The following RFC1 variants were observed in gnomAD, a reference collection of about 807,000 sequenced individuals.
The protein encoded by RFC1 is replication factor C subunit 1, also known as A1 140 kDa subunit.
Under a neutral mutation model 137.4 loss-of-function variants are expected in RFC1, and 37 were observed. The observed-to-expected ratio is 0.27, with a 90% confidence interval of 0.21 to 0.35. RFC1 has a LOEUF of 0.35. Ranked by LOEUF, RFC1 falls within the 10% of genes least tolerant of loss-of-function variation. The pLI is 1.00. For synonymous variants in RFC1, 429 were observed against 455.7 expected (o/e 0.94, Z 0.75); for missense variants, 1,205 against 1,358.5 (o/e 0.89, Z 1.78).
chr4:39,344,766 C>G (rs929592424), intron 3 of RFC1, among the ~76,000 whole-genome samples: 2 of 152,094 alleles, frequency 1.3e-5, no homozygotes, highest in Non-Finnish European at 2.9e-5. Flanking sequence ...ACCTGGGCAA[C>G]AGGGCAAGAC....
At chr4:39,363,680 G>C (rs1255987811) in intron 1 of RFC1, among the ~76,000 whole-genome samples, 1 of 151,420 alleles carries the variant, frequency 6.6e-6, no homozygotes, top group Non-Finnish European at 1.5e-5. Context: ...TTGAGGCCAG[G>C]AGTTCAAGAC....
intron 15 of RFC1, 181 bp from the exon 16 acceptor site, chr4:39,303,332 A>G: frequency 1.7e-6 from 1 of 580,574 alleles, no homozygotes; most frequent in East Asian, 2.8e-5. Flanking sequence ...AGAGAAGAGA[A>G]ACTCTCCCTG....
At chr4:39,301,175 C>G (rs7664366) in intron 19 of RFC1, among the ~76,000 whole-genome samples, 135,663 of 151,986 alleles carry the variant, frequency 0.89, 62,550 homozygotes, top group East Asian at 1. Flanking sequence ...AAAAAGCCAA[C>G]TGGAAAAGTC....
intron 21 of RFC1, among the ~76,000 whole-genome samples, chr4:39,296,159 G>A (rs373095494): frequency 5.3e-5 from 8 of 151,946 alleles, no homozygotes; most frequent in Non-Finnish European, 1.0e-4. Context: ...TAATGATTAC[G>A]GTCAATTAAA....
In RFC1 at chr4:39,303,042, A is replaced by T; in HGVS notation, c.2202+18T>A. 2.5e-6 allele frequency: 4 copies of T among 1,587,642 alleles called. No individual in the cohort carries two copies. The highest frequency in any genetic ancestry group is 2.6e-6 in the Non-Finnish European group (3 of 1,155,864). Reference sequence around the variant, plus strand: ...AATTATCAACAGTGAAACTGCAAAAATACAGCACTTGAATTACCTGAATTC... The same window carrying T: ...AATTATCAACAGTGAAACTGCAAAATTACAGCACTTGAATTACCTGAATTC... On this transcript the variant is annotated intron_variant, in intron 16 of 24. Coordinates refer to ENST00000349703, the MANE Select transcript of RFC1 (RefSeq NM_002913.5).
chr4:39,361,321 G>A (rs1905361), intron 1 of RFC1, among the ~76,000 whole-genome samples: 27,439 of 152,028 alleles, frequency 0.18, 2,471 homozygotes, highest in East Asian at 0.24. Context: ...CTTGGGAGGC[G>A]GAGGTTGCAG....
intron 22 of RFC1, among the ~76,000 whole-genome samples, chr4:39,294,018 T>G (rs1444615467): frequency 6.6e-6 from 1 of 152,154 alleles, no homozygotes; most frequent in South Asian, 2.1e-4. Context: ...ACTGACTCCC[T>G]TTATGAAGAC....
At chr4:39,355,264 TAA>T (rs920133748) in intron 1 of RFC1, among the ~76,000 whole-genome samples, 1 of 137,508 alleles carries the variant, frequency 7.3e-6, no homozygotes. Flanking sequence ...TCTCTACAAA[TAA>T]AAAAAAAAAA....
chr4:39,318,156 C>CAAA (rs5857672), intron 9 of RFC1: 1 of 148,904 alleles, frequency 6.7e-6, no homozygotes, highest in Admixed American at 6.7e-5. Context: ...GACTCCGTCT[C>CAAA]AAAAAAAAAA....
chr4:39,300,026 C>G lies in RFC1; in HGVS notation c.2803G>C (p.Ala935Pro), dbSNP rs1025907552. The change falls in exon 21 of 25, where the codon GCG (alanine) becomes CCG (proline). Residue 935 changes from alanine to proline, a missense_variant. This residue lies in a region of RFC1 where 237 missense variants were observed against 304.2 expected (regional missense o/e 0.78). Coordinates refer to ENST00000349703, the MANE Select transcript of RFC1 (RefSeq NM_002913.5). ...RSKQNWSLLP[A>P]QAIYASVLPG... ...AGGGAGAGCCCTCTGCTCACCTGCGCAGGCAGAAGACTCCAGTTTTGCTTA... is the reference window on the plus strand; with the variant it reads ...AGGGAGAGCCCTCTGCTCACCTGCGGAGGCAGAAGACTCCAGTTTTGCTTA... 6.2e-7 allele frequency: 1 copy of G among 1,605,796 alleles called. No individual in the cohort carries two copies. The highest frequency in any genetic ancestry group is 8.5e-7 in the Non-Finnish European group (1 of 1,172,330).
chr4:39,306,521 T>C, intron 14 of RFC1, 71 bp downstream of exon 14: 1 of 786,088 alleles, frequency 1.3e-6, no homozygotes, highest in Non-Finnish European at 2.3e-6. Flanking sequence ...CAGATGTGGG[T>C]ACACACTTTT....
At chr4:39,298,301 T>G (rs1435974567) in intron 21 of RFC1, among the ~76,000 whole-genome samples, 1 of 93,486 alleles carries the variant, frequency 1.1e-5, no homozygotes, top group African/African-American at 4.4e-5. Context: ...GAGTGAGACC[T>G]TGTCTCAAAA....
intron 1 of RFC1, among the ~76,000 whole-genome samples, chr4:39,358,853 C>T (rs947926343): frequency 6.6e-6 from 1 of 152,218 alleles, no homozygotes; most frequent in African/African-American, 2.4e-5. Flanking sequence ...TGCGAACTAA[C>T]TCACACCTAC....
intron 9 of RFC1, 39 bp from the exon 10 acceptor site, chr4:39,317,061 A>T (rs771224973): frequency 7.8e-7 from 1 of 1,285,402 alleles, no homozygotes; most frequent in Non-Finnish European, 1.1e-6. Flanking sequence ...AAAGTCATAC[A>T]GAATTCATGC....
At chr4:39,298,193 A>C (rs1291263516) in intron 21 of RFC1, among the ~76,000 whole-genome samples, 1 of 151,648 alleles carries the variant, frequency 6.6e-6, no homozygotes, top group Non-Finnish European at 1.5e-5. Context: ...CTATGGTCCC[A>C]GCTACTTGCA....
Position 39,303,078 on chromosome 4 carries a change from C to T in RFC1, c.2184G>A (p.Glu728=), listed in dbSNP as rs17335299. 8,103 of 1,613,048 alleles carry T rather than the reference C, an allele frequency of 5.0e-3. 33 individuals are homozygous for T. Among genetic ancestry groups the T allele is most frequent in the Non-Finnish European group, 6.2e-3 (7,333 of 1,179,082 alleles). The change falls in exon 16 of 25, where the codon GAG becomes GAA. Residue 728 remains glutamate (E), a synonymous_variant. Transcript: ENST00000349703. ...MDEVDGMAGN[E]DRGGIQELIG... Reference sequence around the variant, plus strand: ...GAATTACCTGAATTCCTCCCCTATCCTCATTGCCTGCCATGCCATCTACTT... The same window carrying T: ...GAATTACCTGAATTCCTCCCCTATCTTCATTGCCTGCCATGCCATCTACTT...
At chr4:39,288,876 A>G in intron 24 of RFC1, 32 bp from the exon 25 acceptor site, 1 of 1,318,794 alleles carries the variant, frequency 7.6e-7, no homozygotes, top group Non-Finnish European at 1.1e-6. Flanking sequence ...AATAGTTAAT[A>G]GCTGTGTTTA....
At chr4:39,366,099 GCCCCTTCTCT>G in intron 1 of RFC1, 130 bp downstream of exon 1, 1 of 897,206 alleles carries the variant, frequency 1.1e-6, no homozygotes, top group East Asian at 3.2e-5. Flanking sequence ...CCGGTGTGCG[GCCCCTTCTCT>G]GCCTTTGCTA....
At position 39,323,330 on chromosome 4, in the gene RFC1, A is replaced by C; in HGVS notation, c.720+10T>G. 1 of 1,613,656 alleles carries C rather than the reference A, an allele frequency of 6.2e-7. No individual in the cohort carries two copies. Among genetic ancestry groups the C allele is most frequent in the Non-Finnish European group, 8.5e-7 (1 of 1,179,632 alleles). ...ATATTCAGAACGCAAATAGCCCAAC[A>C]TTATGCCACCTTTTTGGTCTTGGGT... is the stretch of plus-strand genomic sequence containing the variant. On this transcript the variant is annotated intron_variant, in intron 7 of 24. Transcript: ENST00000349703.
Sources: allele counts gnomAD v4.1 joint callset (sites outside exome capture counted in the v4.1 genomes callset), GRCh38; gene constraint gnomAD v4.1.1; regional missense constraint gnomAD v4.1.1; transcripts MANE v1.5; gene names NCBI Gene and HGNC (gene_info 2026-07-23, HGNC 2026-07-21).